Variants in PLXNA4 observed in about 807,000 individuals in gnomAD.
PLXNA4 encodes the protein plexin-A4.
Under a neutral mutation model 191.8 loss-of-function variants are expected in PLXNA4, and 44 were observed. The ratio of observed to expected loss-of-function variants is 0.23; its 90% CI spans 0.18 to 0.29. PLXNA4 has a LOEUF of 0.29. Ranked by LOEUF, PLXNA4 falls within the 10% of genes least tolerant of loss-of-function variation. The pLI is 1.00. For missense variants in PLXNA4, 1,800 were observed against 2,488.8 expected (o/e 0.72, Z 5.89); for synonymous variants, 1,082 against 1,009.5 (o/e 1.07, Z -1.36).
chr7:132,139,033 G>T (rs867613428), intron 30 of PLXNA4, among the ~76,000 whole-genome samples: 1 of 152,242 alleles, frequency 6.6e-6, no homozygotes, highest in East Asian at 1.9e-4. Context: ...GGGCTGGAGG[G>T]CCTGCTCCTG....
At chr7:132,144,380 G>A (rs995426825) in intron 29 of PLXNA4, among the ~76,000 whole-genome samples, 3 of 152,210 alleles carry the variant, frequency 2.0e-5, no homozygotes, top group Non-Finnish European at 4.4e-5. Context: ...ACAAGTGAAA[G>A]GAAGGATGAT....
chr7:132,621,900 C>T (rs1356819417), intron 2 of PLXNA4, among the ~76,000 whole-genome samples: 1 of 152,196 alleles, frequency 6.6e-6, no homozygotes, highest in East Asian at 1.9e-4. Flanking sequence ...TACATTGCTG[C>T]TATTTAACAT....
chr7:132,351,420 G>A (rs1803480235), intron 3 of PLXNA4, among the ~76,000 whole-genome samples: 1 of 152,126 alleles, frequency 6.6e-6, no homozygotes, highest in Admixed American at 6.5e-5. Context: ...GTTCCATAAA[G>A]CGGATTCAGT....
At chr7:132,356,817 C>T (rs938407742) in intron 3 of PLXNA4, among the ~76,000 whole-genome samples, 3 of 152,184 alleles carry the variant, frequency 2.0e-5, no homozygotes, top group African/African-American at 4.8e-5. Flanking sequence ...GGCAGGACTT[C>T]GTAAGAGCTA....
At chr7:132,266,778 C>T (rs886225127) in intron 4 of PLXNA4, among the ~76,000 whole-genome samples, 4 of 152,192 alleles carry the variant, frequency 2.6e-5, no homozygotes, top group African/African-American at 9.7e-5. Context: ...TCCAAGGGTG[C>T]CTTAGAGCTT....
chr7:132,389,194 A>G (rs1170338220), intron 3 of PLXNA4, among the ~76,000 whole-genome samples: 1 of 151,880 alleles, frequency 6.6e-6, no homozygotes, highest in Non-Finnish European at 1.5e-5. Flanking sequence ...GATTGCAAAT[A>G]TTTTCTCCCA....
At chr7:132,363,265 A>T (rs1360024332) in intron 3 of PLXNA4, among the ~76,000 whole-genome samples, 2 of 152,164 alleles carry the variant, frequency 1.3e-5, no homozygotes, top group African/African-American at 4.8e-5. Flanking sequence ...GATTACAGGC[A>T]TGAGCCACCG....
At chr7:132,253,232 C>CTT (rs56010775) in intron 4 of PLXNA4, among the ~76,000 whole-genome samples, 42 of 134,470 alleles carry the variant, frequency 3.1e-4, no homozygotes, top group Non-Finnish European at 4.0e-4. Context: ...TTTCTTTTTT[C>CTT]TTTTTTTTTT....
At chr7:132,148,489 C>A (rs1475034737) in intron 26 of PLXNA4, 54 bp downstream of exon 26, 5 of 1,606,774 alleles carry the variant, frequency 3.1e-6, no homozygotes. Context: ...CAATGATTTC[C>A]AGGGCAAGGG....
At chr7:132,648,487 G>A (rs1803928148) in intron 1 of PLXNA4, 1 of 152,174 alleles carries the variant, frequency 6.6e-6, no homozygotes, top group Non-Finnish European at 1.5e-5. Context: ...CCCTAATGAG[G>A]GGGCTCCTCC....
intron 3 of PLXNA4, among the ~76,000 whole-genome samples, chr7:132,346,830 C>G (rs1222281380): frequency 2.0e-5 from 3 of 152,268 alleles, no homozygotes; most frequent in African/African-American, 7.2e-5. Context: ...AGTATATTTG[C>G]AGAAGTTCAG....
chr7:132,493,471 T>C lies in PLXNA4; in HGVS notation c.1189-3997A>G, dbSNP rs113078226. Among the ~76,000 whole-genome samples the C allele has an allele frequency of 2.8e-4, 43 of 152,274 alleles. 1 individual carries two copies. The highest frequency in any genetic ancestry group is 9.6e-4 in the African/African-American group (40 of 41,572). On this transcript the variant is annotated intron_variant, in intron 2 of 31. Coordinates refer to ENST00000321063, the MANE Select transcript of PLXNA4 (RefSeq NM_020911.2). ...ACCCTGTGGACAGACCTAGAAGCCCTGAGAGGGCCACACTCTCTGGGTCCC... is the reference window on the plus strand; with the variant it reads ...ACCCTGTGGACAGACCTAGAAGCCCCGAGAGGGCCACACTCTCTGGGTCCC...
intron 4 of PLXNA4, among the ~76,000 whole-genome samples, chr7:132,294,232 C>G (rs1450616767): frequency 3.3e-5 from 5 of 152,128 alleles, no homozygotes; most frequent in Non-Finnish European, 5.9e-5. Flanking sequence ...GGATAGAATT[C>G]CAGGCAAAGG....
intron 2 of PLXNA4, among the ~76,000 whole-genome samples, chr7:132,612,867 C>A (rs562273602): frequency 1.2e-4 from 19 of 152,034 alleles, no homozygotes; most frequent in African/African-American, 4.6e-4. Context: ...CAAAATCAAC[C>A]ATGGGTGAGA....
intron 3 of PLXNA4, among the ~76,000 whole-genome samples, chr7:132,325,632 C>T (rs542110361): frequency 6.8e-4 from 104 of 152,288 alleles, no homozygotes; most frequent in Non-Finnish European, 9.3e-4. Context: ...TGGCTGGCCA[C>T]TACCAGCACA....
upstream of PLXNA4, chr7:132,576,569 C>T (rs1477669722): frequency 3.0e-6 from 3 of 985,994 alleles, no homozygotes; most frequent in South Asian, 9.4e-5. This position sits in a 1 kb window ranked among gnomAD's most constrained non-coding sequence, Gnocchi z 5.8. Flanking sequence ...AACGCAAATA[C>T]TCCACCGAGG....
intron 1 of PLXNA4, among the ~76,000 whole-genome samples, chr7:132,510,265 A>T (rs1347645539): frequency 1.3e-5 from 2 of 152,252 alleles, no homozygotes; most frequent in Non-Finnish European, 2.9e-5. Flanking sequence ...AAAATTCCCC[A>T]GCAGGGAGCA....
At chr7:132,311,156 TTGTGTGTGTGTGTGTG>T (rs749947062) in intron 3 of PLXNA4, among the ~76,000 whole-genome samples, 2 of 132,040 alleles carry the variant, frequency 1.5e-5, no homozygotes, top group Admixed American at 7.6e-5. Flanking sequence ...TCTAGGATAA[TTGTGTGTGTGTGTGTG>T]TGTGTGTGTG....
intron 2 of PLXNA4, among the ~76,000 whole-genome samples, chr7:132,639,875 G>A (rs983449474): frequency 1.3e-5 from 2 of 152,124 alleles, no homozygotes; most frequent in African/African-American, 4.8e-5. Flanking sequence ...GGGTAGAAAG[G>A]GCACCACAGA....
Sources: allele counts gnomAD v4.1 joint callset (sites outside exome capture counted in the v4.1 genomes callset), GRCh38; gene constraint gnomAD v4.1.1; non-coding constraint Gnocchi (gnomAD v3.1); transcripts MANE v1.5; gene names NCBI Gene and HGNC (gene_info 2026-07-23, HGNC 2026-07-21).